DENND11: variants seen among roughly 807,000 people sequenced by gnomAD.
DENND11 encodes the protein DENN domain containing 11, also known as DENN domain-containing protein 11.
DENND11 carries 34 observed loss-of-function variants against 49.2 expected under a neutral mutation model. The ratio of observed to expected loss-of-function variants is 0.69; its 90% confidence interval spans 0.53 to 0.92. The LOEUF (loss-of-function observed/expected upper bound fraction) is 0.92, where lower values mean the gene tolerates loss of function less well. Among genes scored for constraint, DENND11 ranks in the 40% least tolerant of loss-of-function variants. The pLI is 0.00. For missense variants in DENND11, 475 were observed against 581.6 expected (o/e 0.82, Z 1.88); for synonymous variants, 238 against 230.3 (o/e 1.03, Z -0.30).
intron 7 of DENND11, among the ~76,000 whole-genome samples, chr7:141,664,663 A>T (rs1418041103): frequency 6.6e-6 from 1 of 152,216 alleles, no homozygotes; most frequent in Non-Finnish European, 1.5e-5. Context: ...CAGATTCCAA[A>T]GTCCATGAGA....
At chr7:141,671,799 C>G (rs1285275981) in intron 4 of DENND11, among the ~76,000 whole-genome samples, 5 of 152,166 alleles carry the variant, frequency 3.3e-5, no homozygotes, top group Non-Finnish European at 5.9e-5. Flanking sequence ...GAGAACAGGA[C>G]TCAGGTCAGT....
intron 3 of DENND11, among the ~76,000 whole-genome samples, chr7:141,675,619 G>A (rs1798051868): frequency 1.3e-5 from 2 of 152,166 alleles, no homozygotes; most frequent in African/African-American, 4.8e-5. Flanking sequence ...CACCGCCTCT[G>A]CAAACTGCCA....
At position 141,685,505 on chromosome 7, in the gene DENND11, T is replaced by C; in HGVS notation, c.500A>G (p.Tyr167Cys). The C allele has an allele frequency of 6.2e-7, 1 of 1,613,950 alleles. No homozygotes were observed. Among genetic ancestry groups the C allele is most frequent in the African/African-American group, 1.3e-5 (1 of 75,038 alleles). Residue 167 changes from tyrosine (Y) to cysteine (C), a missense_variant, in exon 3 of 9, where the codon TAC becomes TGC. Transcript: ENST00000536163. ...AACCTGGTTCTCCAAGAAGTGCATG[T>C]AGCGGTAAAGCAGTGTGTAGGAGGG... ...LSPSYTLLYRYMHFLENQVRH... is the reference protein window; with the variant it reads ...LSPSYTLLYRCMHFLENQVRH...
chr7:141,697,199 AG>A (rs1798427376), intron 1 of DENND11, among the ~76,000 whole-genome samples: 2 of 152,144 alleles, frequency 1.3e-5, no homozygotes, highest in African/African-American at 4.8e-5. Context: ...GATCAGAGGC[AG>A]GTCACTGAAA....
At chr7:141,677,509 A>G (rs1798081551) in intron 3 of DENND11, among the ~76,000 whole-genome samples, 3 of 132,038 alleles carry the variant, frequency 2.3e-5, no homozygotes, top group African/African-American at 5.6e-5. Context: ...GTGTGTATAT[A>G]TATATATATA....
At chr7:141,693,285 T>G (rs1798354743) in intron 1 of DENND11, among the ~76,000 whole-genome samples, 2 of 152,210 alleles carry the variant, frequency 1.3e-5, no homozygotes. Context: ...ATTACGCAAT[T>G]GCAAATTAAA....
chr7:141,685,029 A>ATATATATATATAT (rs1554410117), intron 3 of DENND11, among the ~76,000 whole-genome samples: 1 of 91,546 alleles, frequency 1.1e-5, no homozygotes, highest in African/African-American at 4.3e-5. Context: ...AAAAAAAAAA[A>ATATATATATATAT]ATATATATAT....
chr7:141,674,316 G>A (rs62486723), intron 3 of DENND11, 96 bp from the exon 4 acceptor site: 4 of 275,590 alleles, frequency 1.5e-5, no homozygotes, highest in Non-Finnish European at 2.0e-5. Flanking sequence ...CCCACCTCAA[G>A]GGGCTGTAAC....
intron 1 of DENND11, among the ~76,000 whole-genome samples, chr7:141,688,708 G>GT (rs1037579441): frequency 6.6e-6 from 1 of 151,994 alleles, no homozygotes; most frequent in Non-Finnish European, 1.5e-5. Flanking sequence ...CAGTCCAGTC[G>GT]TTTTTTTCCT....
At chr7:141,695,848 C>T (rs1246143655) in intron 1 of DENND11, among the ~76,000 whole-genome samples, 1 of 152,300 alleles carries the variant, frequency 6.6e-6, no homozygotes, top group Non-Finnish European at 1.5e-5. Flanking sequence ...CAGGCACTTC[C>T]TAGCCTCTAC....
chr7:141,677,942 A>G (rs1474597024), intron 3 of DENND11, among the ~76,000 whole-genome samples: 3 of 152,042 alleles, frequency 2.0e-5, no homozygotes, highest in African/African-American at 7.2e-5. Context: ...AAATTTACAT[A>G]CTGAATGACC....
chr7:141,659,912 A>G lies in DENND11; in HGVS notation c.*2744T>C, dbSNP rs923307479. 13 of 152,198 alleles carry G rather than the reference A, an allele frequency of 8.5e-5. No individual in the cohort carries two copies. Among genetic ancestry groups the G allele is most frequent in the Non-Finnish European group, 2.9e-5 (2 of 68,038 alleles). The allele number at this position is 152,198 out of a possible 1,614,324, so 9.4% of individuals were successfully genotyped here. On this transcript the variant is annotated 3_prime_UTR_variant, in exon 9 of 9. Transcript: ENST00000536163. ...ACAAAAGCAGATGGTTTCTCAGAAA[A>G]TATTTCAAGACTGGCAGAAAAGCAG... is the stretch of plus-strand genomic sequence containing the variant.
At chr7:141,694,711 A>C (rs1050497344) in intron 1 of DENND11, among the ~76,000 whole-genome samples, 1 of 152,224 alleles carries the variant, frequency 6.6e-6, no homozygotes, top group Admixed American at 6.5e-5. Context: ...AAAGCAATCA[A>C]TGTATTAGGG....
At chr7:141,701,368 G>C (rs958308927) in intron 1 of DENND11, among the ~76,000 whole-genome samples, 29 of 145,378 alleles carry the variant, frequency 2.0e-4, no homozygotes, top group Middle Eastern at 3.5e-3. Context: ...AGGGCGAGCG[G>C]GGAGCGGGGG....
rs1323658576 is a variant in DENND11 at position 141,691,283 on chromosome 7, G to A, written c.269-4625C>T. Among the ~76,000 whole-genome samples, 4 of 152,222 alleles carry A rather than the reference G, an allele frequency of 2.6e-5. No homozygotes were observed. In the East Asian group the frequency reaches 5.8e-4, roughly 22 times the overall value. On this transcript the variant is annotated intron_variant, in intron 1 of 8. Coordinates refer to ENST00000536163, the MANE Select transcript of DENND11 (RefSeq NM_001080392.2). ...GGGGATGCTGGAGCCATTGGTCAAC[G>A]TGGGTCTAGGTCCCTGGATGACCCT...
intron 3 of DENND11, among the ~76,000 whole-genome samples, chr7:141,677,064 C>A (rs1235749192): frequency 1.3e-5 from 2 of 152,192 alleles, no homozygotes; most frequent in Admixed American, 1.3e-4. Context: ...GGCAATAATT[C>A]ATCCACGATC....
intron 3 of DENND11, among the ~76,000 whole-genome samples, chr7:141,685,029 A>AATATATATATAT (rs1167922771): frequency 8.7e-5 from 8 of 91,540 alleles, no homozygotes; most frequent in African/African-American, 2.6e-4. Flanking sequence ...AAAAAAAAAA[A>AATATATATATAT]ATATATATAT....
At chr7:141,701,253 G>GC (rs1182011678) in intron 1 of DENND11, among the ~76,000 whole-genome samples, 2 of 152,008 alleles carry the variant, frequency 1.3e-5, no homozygotes, top group Admixed American at 1.3e-4. Context: ...GAATCCCTCA[G>GC]CCCCATCCCT....
chr7:141,664,842 C>T lies in DENND11; in HGVS notation c.1103+62G>A, dbSNP rs915332142. On this transcript the variant is annotated intron_variant, in intron 7 of 8. Coordinates refer to ENST00000536163, the MANE Select transcript of DENND11 (RefSeq NM_001080392.2). ...GGCAGAAGACAGGCTTTGCAGAGAC[C>T]CCCATGCTGGAGCTGCCCTGAGGAG... The T allele has an allele frequency of 2.6e-6, 4 of 1,523,188 alleles. No individual in the cohort carries two copies. In the African/African-American group the frequency reaches 4.1e-5, roughly 16 times the overall value. The allele number at this position is 1,523,188 out of a possible 1,614,324, so 94.4% of individuals were successfully genotyped here. A position where few individuals can be genotyped will look rare whatever the true frequency, so the allele number is the denominator to read the frequency against.
Sources: allele counts gnomAD v4.1 joint callset (sites outside exome capture counted in the v4.1 genomes callset), GRCh38; gene constraint gnomAD v4.1.1; transcripts MANE v1.5; gene names NCBI Gene and HGNC (gene_info 2026-07-23, HGNC 2026-07-21).